The following RYR3 variants were observed in gnomAD, a reference collection of about 807,000 sequenced individuals.
RYR3 encodes ryanodine receptor 3, also known as brain ryanodine receptor-calcium release channel.
Under a neutral mutation model 584.3 loss-of-function variants are expected in RYR3, and 207 were observed. The ratio of observed to expected loss-of-function variants is 0.35; its 90% CI spans 0.32 to 0.40. The LOEUF (loss-of-function observed/expected upper bound fraction) is 0.40. Among genes scored for constraint, RYR3 ranks in the 10% least tolerant of loss-of-function variants. The pLI is 1.00. For synonymous variants in RYR3, 2,416 were observed against 2,248.5 expected (o/e 1.07, Z -2.11); for missense variants, 5,616 against 6,089.2 (o/e 0.92, Z 2.59).
chr15:33,841,112 G>A (rs746693490), intron 90 of RYR3, among the ~76,000 whole-genome samples: 2 of 152,152 alleles, frequency 1.3e-5, no homozygotes, highest in African/African-American at 2.4e-5. Context: ...AGCTACTTGG[G>A]AGGCTGAGGT....
intron 43 of RYR3, among the ~76,000 whole-genome samples, chr15:33,716,887 C>A (rs113979764): frequency 6.8e-4 from 103 of 151,800 alleles, no homozygotes; most frequent in African/African-American, 2.3e-3. Context: ...AAAAAAAATC[C>A]ACTTCATCAA....
At chr15:33,805,107 A>G (rs143829984) in intron 69 of RYR3, among the ~76,000 whole-genome samples, 3 of 152,314 alleles carry the variant, frequency 2.0e-5, no homozygotes, top group African/African-American at 7.2e-5. Flanking sequence ...GTTAAGCTAA[A>G]TGTAACTAAG....
chr15:33,451,761 T>C (rs2047149500), intron 1 of RYR3, among the ~76,000 whole-genome samples: 1 of 152,260 alleles, frequency 6.6e-6, no homozygotes, highest in South Asian at 2.1e-4. Context: ...TATTAATATT[T>C]CTGCTTTATA....
chr15:33,540,051 G>A (rs2055684469), intron 6 of RYR3, among the ~76,000 whole-genome samples: 1 of 152,102 alleles, frequency 6.6e-6, no homozygotes, highest in East Asian at 1.9e-4. Context: ...ACTGTCTGCT[G>A]CCACGTGATC....
intron 13 of RYR3, among the ~76,000 whole-genome samples, 178 bp downstream of exon 13, chr15:33,580,322 C>T (rs1284082204): frequency 6.6e-6 from 1 of 152,192 alleles, no homozygotes; most frequent in Non-Finnish European, 1.5e-5. Context: ...AACCTGGTTA[C>T]ATTAGCAATG....
intron 10 of RYR3, among the ~76,000 whole-genome samples, chr15:33,553,604 GGAGCA>G (rs2056849370): frequency 2.0e-5 from 3 of 151,954 alleles, no homozygotes; most frequent in Admixed American, 6.6e-5. Flanking sequence ...TAAGGAGCAA[GGAGCA>G]GGATGTGATC....
At chr15:33,504,237 G>T (rs189557201) in intron 3 of RYR3, among the ~76,000 whole-genome samples, 15 of 152,324 alleles carry the variant, frequency 9.8e-5, no homozygotes, top group African/African-American at 3.6e-4. Context: ...GTACAGAATT[G>T]TCTTGAGTTT....
At chr15:33,341,493 C>T (rs1389098215) in intron 1 of RYR3, among the ~76,000 whole-genome samples, 1 of 152,164 alleles carries the variant, frequency 6.6e-6, no homozygotes, top group Non-Finnish European at 1.5e-5. Context: ...TGGAAAGTAA[C>T]ATCTTGCATC....
At chr15:33,328,776 C>G (rs1970041236) in intron 1 of RYR3, among the ~76,000 whole-genome samples, 1 of 152,140 alleles carries the variant, frequency 6.6e-6, no homozygotes, top group Non-Finnish European at 1.5e-5. Context: ...TCAAATATGT[C>G]TAAACTTGTA....
At chr15:33,453,370 G>A (rs2047289426) in intron 1 of RYR3, among the ~76,000 whole-genome samples, 1 of 152,038 alleles carries the variant, frequency 6.6e-6, no homozygotes, top group African/African-American at 2.4e-5. Context: ...AGCTGCTTGG[G>A]GACTTTTGTG....
In RYR3 at chr15:33,551,414, G is replaced by C. The variant is rs144442927; in HGVS notation, c.972+1098G>C. Among the ~76,000 whole-genome samples, 47 of 152,212 alleles carry C rather than the reference G, an allele frequency of 3.1e-4. No homozygotes were observed. In the East Asian group the frequency reaches 9.1e-3, roughly 29 times the overall value. On this transcript the variant is annotated intron_variant, in intron 10 of 103. Transcript: ENST00000634891. ...AGGCTGACAGCTGAATTTTCTGTGGGGCATCTCTGCTTCCTAATGCACCTG... is the reference window on the plus strand; with the variant it reads ...AGGCTGACAGCTGAATTTTCTGTGGCGCATCTCTGCTTCCTAATGCACCTG...
chr15:33,338,342 G>A lies in RYR3; in HGVS notation c.51+27246G>A, dbSNP rs559626279. 5.9e-5 allele frequency among the ~76,000 whole-genome samples: 9 copies of A among 152,216 alleles called. No homozygotes were observed. In the East Asian group the frequency reaches 1.4e-3, roughly 23 times the overall value. ...GCTCCAAATTTAAAGGGGAAAGGGC[G>A]GGATATTGAGAAGTACATAGTTTTC... On this transcript the variant is annotated intron_variant, in intron 1 of 103. Transcript: ENST00000634891.
chr15:33,859,571 C>T lies in RYR3; in HGVS notation c.14143-4C>T, dbSNP rs754387716. On this transcript the variant is annotated splice_polypyrimidine_tract_variant and splice_region_variant and intron_variant, in intron 99 of 103. Transcript: ENST00000634891. ...CCTAAATCCCCCTTATTTTTCTTCT[C>T]TAGTGTTACCTTTTCCACATGTACG... The T allele has an allele frequency of 6.2e-7, 1 of 1,613,684 alleles. No homozygotes were observed. Among genetic ancestry groups the T allele is most frequent in the Non-Finnish European group, 8.5e-7 (1 of 1,179,786 alleles).
At chr15:33,623,210 C>T (rs190476224) in intron 19 of RYR3, among the ~76,000 whole-genome samples, 237 of 152,330 alleles carry the variant, frequency 1.6e-3, no homozygotes, top group African/African-American at 4.9e-3. Context: ...TCCTCACAGC[C>T]GCCCCCATAT....
At chr15:33,518,583 G>A (rs1189210842) in intron 3 of RYR3, among the ~76,000 whole-genome samples, 2 of 152,082 alleles carry the variant, frequency 1.3e-5, no homozygotes, top group Non-Finnish European at 2.9e-5. Context: ...AGCCCCAGTC[G>A]GTTATCCTCC....
intron 10 of RYR3, among the ~76,000 whole-genome samples, chr15:33,559,080 G>A (rs1651480469): frequency 6.6e-6 from 1 of 152,156 alleles, no homozygotes; most frequent in South Asian, 2.1e-4. Context: ...GGGGAATGGG[G>A]GTCCAGAGGG....
rs141534340 is a variant in RYR3 at position 33,748,465 on chromosome 15, T to C, written c.8137-3T>C. Reference sequence around the variant, plus strand: ...CCCAGTGACTCTGCCTTTGCTTTCCTAGGGCAACAGCTACAGTCCTGCTCC... The same window carrying C: ...CCCAGTGACTCTGCCTTTGCTTTCCCAGGGCAACAGCTACAGTCCTGCTCC... On this transcript the variant is annotated splice_region_variant and splice_polypyrimidine_tract_variant and intron_variant, in intron 54 of 103. Transcript: ENST00000634891. The C allele has an allele frequency of 5.8e-5, 93 of 1,613,164 alleles. 2 individuals are homozygous for C. In the East Asian group the frequency reaches 8.5e-4, roughly 15 times the overall value.
At chr15:33,705,831 G>C (rs1049352043) in intron 42 of RYR3, among the ~76,000 whole-genome samples, 12 of 152,228 alleles carry the variant, frequency 7.9e-5, no homozygotes, top group African/African-American at 2.9e-4. Context: ...GTCAGTCAGT[G>C]ACTGAATATT....
At chr15:33,817,426 T>G (rs182128759) in intron 75 of RYR3, among the ~76,000 whole-genome samples, 14 of 152,320 alleles carry the variant, frequency 9.2e-5, no homozygotes, top group African/African-American at 3.4e-4. Context: ...CTAAAGCCAC[T>G]TAAAATGACA....
Sources: gnomAD v4.1 joint callset for allele counts (sites outside exome capture counted in the v4.1 genomes callset) on GRCh38, gnomAD v4.1.1 for gene constraint, MANE v1.5 for transcripts, NCBI Gene and HGNC (gene_info 2026-07-23, HGNC 2026-07-21) for gene names.